Variants in SAYSD1 observed in about 807,000 individuals in gnomAD.
SAYSD1 encodes SAYSVFN motif domain containing 1, also known as SAYSvFN domain-containing protein 1.
SAYSD1 carries 15 observed loss-of-function variants against 14.5 expected under a neutral mutation model. The ratio of observed to expected loss-of-function variants is 1.03; its 90% CI spans 0.69 to 1.59. The LOEUF (loss-of-function observed/expected upper bound fraction) is 1.59. Among genes scored for constraint, SAYSD1 ranks in the 40% most tolerant of loss-of-function variants. The pLI, the probability that SAYSD1 is intolerant of heterozygous loss-of-function variation, is 0.00. For missense variants in SAYSD1, 247 were observed against 227.3 expected (o/e 1.09, Z -0.56); for synonymous variants, 105 against 102.6 (o/e 1.02, Z -0.14).
chr6:39,104,923 C>A lies in SAYSD1; in HGVS notation c.*509G>T, dbSNP rs1026275891. On this transcript the variant is annotated 3_prime_UTR_variant, in exon 2 of 2. Transcript: ENST00000229903. ...TTTAAAGATATTTTATTTTTCAATA[C>A]CAGTAATGACTGAAAATTAAAGAAT... is the stretch of plus-strand genomic sequence containing the variant. The A allele has an allele frequency of 6.5e-6, 1 of 153,252 alleles. No individual in the cohort carries two copies. The highest frequency in any genetic ancestry group is 6.5e-5 in the Admixed American group (1 of 15,450). 9.5% of individuals were successfully genotyped at this position (153,252 alleles called of 1,614,324 possible). A position where few individuals can be genotyped will look rare whatever the true frequency, so the allele number is the denominator to read the frequency against.
At chr6:39,114,436 G>A (rs1769692361) in intron 1 of SAYSD1, among the ~76,000 whole-genome samples, 1 of 152,166 alleles carries the variant, frequency 6.6e-6, no homozygotes, top group Non-Finnish European at 1.5e-5. Flanking sequence ...CAGGCTATCT[G>A]GGCTACTAGC....
chr6:39,108,729 G>C (rs1224600282), intron 1 of SAYSD1, among the ~76,000 whole-genome samples: 1 of 152,086 alleles, frequency 6.6e-6, no homozygotes, highest in Non-Finnish European at 1.5e-5. Context: ...AAATGTCACC[G>C]TATGTGCCCT....
rs1039886346 is a variant in SAYSD1, at chr6:39,105,172, G to A, written c.*260C>T. 4 of 452,556 alleles carry A rather than the reference G, an allele frequency of 8.8e-6. No homozygotes were observed. The highest frequency in any genetic ancestry group is 8.0e-5 in the African/African-American group (4 of 49,772). 28.0% of individuals were successfully genotyped at this position (452,556 alleles called of 1,614,324 possible). ...ATCATCTCCCAAACAGATGAGAAAT[G>A]AAACAAACAGGTCTCCCTTCTTGAG... On this transcript the variant is annotated 3_prime_UTR_variant, in exon 2 of 2. Coordinates refer to ENST00000229903, the MANE Select transcript of SAYSD1 (RefSeq NM_018322.3).
chr6:39,106,234 T>C (rs1001129153), intron 1 of SAYSD1, among the ~76,000 whole-genome samples: 1 of 150,092 alleles, frequency 6.7e-6, no homozygotes, highest in Non-Finnish European at 1.5e-5. Context: ...AAATCCTTTT[T>C]ACGTTTAAAA....
intron 1 of SAYSD1, among the ~76,000 whole-genome samples, chr6:39,107,251 C>G (rs1309435947): frequency 1.3e-5 from 2 of 152,176 alleles, no homozygotes; most frequent in Non-Finnish European, 2.9e-5. Flanking sequence ...CCTCTTTCTT[C>G]CTTAACTCTT....
chr6:39,104,934 T>A lies in SAYSD1; in HGVS notation c.*498A>T, dbSNP rs951420276. On this transcript the variant is annotated 3_prime_UTR_variant, in exon 2 of 2. Transcript: ENST00000229903. ...TTTATTTTTCAATACCAGTAATGAC[T>A]GAAAATTAAAGAATTAAAGCAGGAA... The A allele has an allele frequency of 6.5e-6, 1 of 153,432 alleles. No individual in the cohort carries two copies. The highest frequency in any genetic ancestry group is 6.5e-5 in the Admixed American group (1 of 15,486). The allele number at this position is 153,432 out of a possible 1,614,324, so 9.5% of individuals were successfully genotyped here. A position where few individuals can be genotyped will look rare whatever the true frequency, so the allele number is the denominator to read the frequency against.
Position 39,115,056 on chromosome 6 carries a change from G to C in SAYSD1, c.34C>G (p.Arg12Gly). Residue 12 changes from arginine (R) to glycine (G), a missense_variant, in exon 1 of 2, where the codon CGG becomes GGG. Coordinates refer to ENST00000229903, the MANE Select transcript of SAYSD1 (RefSeq NM_018322.3). Reference sequence around the variant, plus strand: ...TGGGCCGCCAGACCCGCCCGTTTCCGCGCCGCCCGAAACTCAGCTAACCGC... The same window carrying C: ...TGGGCCGCCAGACCCGCCCGTTTCCCCGCCGCCCGAAACTCAGCTAACCGC... The part of the protein sequence containing the change: ...EQRLAEFRAA[R>G]KRAGLAAQPP... 1 of 1,610,356 alleles carries C rather than the reference G, an allele frequency of 6.2e-7. No individual in the cohort carries two copies. Among genetic ancestry groups the C allele is most frequent in the Non-Finnish European group, 8.5e-7 (1 of 1,179,812 alleles).
At chr6:39,107,781 G>A (rs1376542593) in intron 1 of SAYSD1, among the ~76,000 whole-genome samples, 1 of 152,172 alleles carries the variant, frequency 6.6e-6, no homozygotes, top group Non-Finnish European at 1.5e-5. Flanking sequence ...TGACATGCAT[G>A]CACAGTATGC....
intron 1 of SAYSD1, among the ~76,000 whole-genome samples, chr6:39,114,608 G>C (rs1367164807): frequency 6.6e-6 from 1 of 152,252 alleles, no homozygotes; most frequent in Non-Finnish European, 1.5e-5. Context: ...AACTCAATTC[G>C]GAGTGAATAA....
Position 39,114,876 on chromosome 6 carries a change from GT to G in SAYSD1, c.207+6del, listed in dbSNP as rs764984531. On this transcript the variant is annotated splice_donor_region_variant and intron_variant, in intron 1 of 1. Coordinates refer to ENST00000229903, the MANE Select transcript of SAYSD1 (RefSeq NM_018322.3). ...AGGTCCTAGGGCCGAAGTTTCCATC[GT>G]CTCACCTGAACTAGGCCGGGCTGGG... 15 of 1,610,340 alleles carry G rather than the reference GT, an allele frequency of 9.3e-6. No homozygotes were observed. The highest frequency in any genetic ancestry group is 1.2e-5 in the Non-Finnish European group (14 of 1,178,764).
At chr6:39,109,059 G>C (rs1769572267) in intron 1 of SAYSD1, among the ~76,000 whole-genome samples, 2 of 152,200 alleles carry the variant, frequency 1.3e-5, no homozygotes, top group Admixed American at 1.3e-4. Context: ...TTGAATGAAT[G>C]AATGATAGTG....
intron 1 of SAYSD1, 100 bp from the exon 2 acceptor site, chr6:39,105,876 G>A (rs546669334): frequency 2.9e-6 from 3 of 1,036,492 alleles, no homozygotes; most frequent in Admixed American, 2.6e-5. Context: ...TGAGAAGGCT[G>A]CTGGCTCATT....
At chr6:39,111,970 T>C (rs1769633857) in intron 1 of SAYSD1, 1 of 151,148 alleles carries the variant, frequency 6.6e-6, no homozygotes, top group Non-Finnish European at 1.5e-5. Flanking sequence ...TAGGGAAGAG[T>C]TAGAAAGGAA....
In SAYSD1 at chr6:39,105,094, C is replaced by T. The variant is rs1769468963; in HGVS notation, c.*338G>A. On this transcript the variant is annotated 3_prime_UTR_variant, in exon 2 of 2. Coordinates refer to ENST00000229903, the MANE Select transcript of SAYSD1 (RefSeq NM_018322.3). ...CTGATGTACCTAATCATACTTCAAA[C>T]TGCTGGATGTTTTAAGCTGAGAATC... The T allele has an allele frequency of 3.9e-6, 1 of 258,472 alleles. No individual in the cohort carries two copies. Among genetic ancestry groups the T allele is most frequent in the Admixed American group, 5.0e-5 (1 of 20,036 alleles). The allele number at this position is 258,472 out of a possible 1,614,324, so 16.0% of individuals were successfully genotyped here.
At chr6:39,105,932 G>C (rs535510473) in intron 1 of SAYSD1, among the ~76,000 whole-genome samples, 156 bp from the exon 2 acceptor site, 5 of 152,260 alleles carry the variant, frequency 3.3e-5, no homozygotes, top group Admixed American at 1.3e-4. Context: ...CATCTCCAAA[G>C]AACCTATGTG....
At position 39,114,957 on chromosome 6, in the gene SAYSD1, G is replaced by A; in HGVS notation, c.133C>T (p.Pro45Ser). 6.2e-7 allele frequency: 1 copy of A among 1,613,880 alleles called. No homozygotes were observed. The highest frequency in any genetic ancestry group is 8.5e-7 in the Non-Finnish European group (1 of 1,179,904). The change falls in exon 1 of 2, where the codon CCA (proline) becomes TCA (serine). Residue 45 changes from proline (P) to serine (S), a missense_variant. Transcript: ENST00000229903. Reference protein sequence around the residue: ...AEAAATLKAAPGWLKRFLVWK... With the variant: ...AEAAATLKAASGWLKRFLVWK... ...ACCAGGAACCGCTTTAGCCAGCCTG[G>A]GGCTGCCTTTAGAGTCGCTGCTGCT...
In SAYSD1 at chr6:39,115,162, G is replaced by T. The variant is rs1012742720; in HGVS notation, c.-73C>A. ...GGCCGCACAGCAGTTGCCTCCGCTC[G>T]GCCCGCGCCGGCCGCCGTGCGCCTG... On this transcript the variant is annotated 5_prime_UTR_variant, in exon 1 of 2. Transcript: ENST00000229903. 1 of 1,377,096 alleles carries T rather than the reference G, an allele frequency of 7.3e-7. No individual in the cohort carries two copies. Among genetic ancestry groups the T allele is most frequent in the Non-Finnish European group, 9.6e-7 (1 of 1,042,850 alleles). 85.3% of individuals were successfully genotyped at this position (1,377,096 alleles called of 1,614,324 possible).
Position 39,109,508 on chromosome 6 carries a change from G to A in SAYSD1, c.208-3732C>T, listed in dbSNP as rs1331258175. ...AGAGGCATCATTGCAGTCAGAGCTT[G>A]GCCCAAATGGAGGCCGCAGTGGCTT... On this transcript the variant is annotated intron_variant, in intron 1 of 1. Transcript: ENST00000229903. 4.1e-6 allele frequency: 6 copies of A among 1,467,052 alleles called. No homozygotes were observed. In the Admixed American group the frequency reaches 1.2e-4, roughly 30 times the overall value. The allele number at this position is 1,467,052 out of a possible 1,614,324, so 90.9% of individuals were successfully genotyped here.
At chr6:39,114,753 G>T in intron 1 of SAYSD1, 130 bp downstream of exon 1, 3 of 860,542 alleles carry the variant, frequency 3.5e-6, no homozygotes, top group South Asian at 3.2e-5. Context: ...GAGCGGTCCG[G>T]CCCTCGATCA....
Sources: allele counts gnomAD v4.1 joint callset (sites outside exome capture counted in the v4.1 genomes callset), GRCh38; gene constraint gnomAD v4.1.1; transcripts MANE v1.5; gene names NCBI Gene and HGNC (gene_info 2026-07-23, HGNC 2026-07-21).